AGBL1: variants seen among roughly 807,000 people sequenced by gnomAD.
The protein encoded by AGBL1 is AGBL carboxypeptidase 1.
In AGBL1, 130 loss-of-function variants were observed where a neutral mutation model predicts 118.9. The ratio of observed to expected loss-of-function variants is 1.09; its 90% CI spans 0.95 to 1.26. The LOEUF (loss-of-function observed/expected upper bound fraction) is 1.26. AGBL1 is among the 50% of genes most tolerant of loss of function. The pLI is 0.00. For missense variants in AGBL1, 1,584 were observed against 1,298.1 expected (o/e 1.22, Z -3.38); for synonymous variants, 555 against 478.9 (o/e 1.16, Z -2.08).
intron 14 of AGBL1, 146 bp from the exon 15 acceptor site, chr15:86,271,473 T>C: frequency 1.5e-6 from 1 of 667,226 alleles, no homozygotes; most frequent in Non-Finnish European, 2.6e-6. Context: ...ATCCTTAACT[T>C]AATCATATCT....
chr15:86,235,913 A>T (rs1466250978), intron 6 of AGBL1, among the ~76,000 whole-genome samples: 2 of 152,164 alleles, frequency 1.3e-5, no homozygotes, highest in Non-Finnish European at 2.9e-5. Context: ...GGCCCCACAC[A>T]ATGAGTAATA....
At chr15:86,363,197 C>G (rs545225027) in intron 17 of AGBL1, among the ~76,000 whole-genome samples, 1 of 152,214 alleles carries the variant, frequency 6.6e-6, no homozygotes, top group East Asian at 1.9e-4. Flanking sequence ...AAAGCTCCTA[C>G]AAAGGCACTT....
intron 23 of AGBL1, among the ~76,000 whole-genome samples, chr15:86,951,416 C>A (rs750482707): frequency 5.3e-5 from 8 of 152,142 alleles, no homozygotes; most frequent in Middle Eastern, 3.2e-3. Flanking sequence ...ATAGCACTCA[C>A]AAGAAAACAA....
At chr15:86,238,638 A>G (rs143111897) in intron 6 of AGBL1, among the ~76,000 whole-genome samples, 151 of 152,280 alleles carry the variant, frequency 9.9e-4, no homozygotes, top group African/African-American at 3.2e-3. Context: ...GTCAGTTACA[A>G]TGAAAACATC....
intron 18 of AGBL1, among the ~76,000 whole-genome samples, chr15:86,516,793 CA>C (rs3084324): frequency 0.061 from 6,012 of 99,136 alleles, 99 homozygotes; most frequent in African/African-American, 0.08. Flanking sequence ...AACTCCATCT[CA>C]AAAAAAAAAA....
Position 86,615,917 on chromosome 15 carries a change from A to T in AGBL1, c.2995-58356A>T, listed in dbSNP as rs1293163163. Among the ~76,000 whole-genome samples, 2 of 136,682 alleles carry T rather than the reference A, an allele frequency of 1.5e-5. No individual in the cohort carries two copies. Among genetic ancestry groups the T allele is most frequent in the African/African-American group, 2.7e-5 (1 of 36,582 alleles). 89.7% of individuals were successfully genotyped at this position (136,682 alleles called of 152,430 possible). A position where few individuals can be genotyped will look rare whatever the true frequency, so the allele number is the denominator to read the frequency against. ...ATAGGGGGCATCAATATAAGAAAAG[A>T]TGTCAACAGGAAATAAAAAAAAAAT... On this transcript the variant is annotated intron_variant, in intron 21 of 22. Coordinates refer to ENST00000614907, the MANE Select transcript of AGBL1 (RefSeq NM_001386094.1). This position sits in a 1 kb window ranked among gnomAD's most constrained non-coding sequence, Gnocchi z 4.3.
chr15:86,274,113 A>G (rs78721842), intron 15 of AGBL1, among the ~76,000 whole-genome samples: 8,203 of 152,306 alleles, frequency 0.054, 247 homozygotes, highest in Middle Eastern at 0.11. Context: ...GAAAGCATGT[A>G]AAAAATGAAG....
intron 24 of AGBL1, among the ~76,000 whole-genome samples, chr15:87,002,567 G>C (rs1438826461): frequency 6.6e-6 from 1 of 152,114 alleles, no homozygotes; most frequent in African/African-American, 2.4e-5. Context: ...ATTACCTTGG[G>C]CAGTATGGCC....
At chr15:86,973,937 C>T (rs1312708644) in intron 23 of AGBL1, among the ~76,000 whole-genome samples, 1 of 139,686 alleles carries the variant, frequency 7.2e-6, no homozygotes, top group Non-Finnish European at 1.5e-5. Flanking sequence ...TAAATATAAA[C>T]ATATTTAATA....
chr15:86,914,582 A>G lies in AGBL1; in HGVS notation c.*7288A>G, dbSNP rs1169061567. 3.9e-5 allele frequency: 6 copies of G among 152,168 alleles called. No individual in the cohort carries two copies. The East Asian group carries it at 1.2e-3, about 29-fold the overall frequency. The allele number at this position is 152,168 out of a possible 1,614,324, so 9.4% of individuals were successfully genotyped here. On this transcript the variant is annotated 3_prime_UTR_variant, in exon 23 of 23. Transcript: ENST00000614907. ...CAACACTTAGTATCTATAATAGTCT[A>G]AGACCATCGCAGGTGTCATCATGTT...
Position 86,364,998 on chromosome 15 carries a change from C to CATATAT in AGBL1, c.2375-32362_2375-32357dup, listed in dbSNP as rs71468173. On this transcript the variant is annotated intron_variant, in intron 17 of 22. Transcript: ENST00000614907. ...ATATATATATATATATACACACACACATATATATATACACACACATATATA... is the reference window on the plus strand; with the variant it reads ...ATATATATATATATATACACACACACATATATATATATATATACACACACATATATA... 1.6e-4 allele frequency among the ~76,000 whole-genome samples: 19 copies of CATATAT among 121,210 alleles called. 1 individual carries two copies. The highest frequency in any genetic ancestry group is 5.4e-4 in the South Asian group (2 of 3,684). The allele number at this position is 121,210 out of a possible 152,430, so 79.5% of individuals were successfully genotyped here. A position where few individuals can be genotyped will look rare whatever the true frequency, so the allele number is the denominator to read the frequency against.
chr15:86,777,129 C>A (rs1490371330), intron 22 of AGBL1, among the ~76,000 whole-genome samples: 2 of 151,976 alleles, frequency 1.3e-5, no homozygotes, highest in Non-Finnish European at 2.9e-5. Flanking sequence ...AATTAATGGT[C>A]CCAGCACCAT....
chr15:86,358,809 T>C (rs554619435), intron 17 of AGBL1, among the ~76,000 whole-genome samples: 1 of 152,146 alleles, frequency 6.6e-6, no homozygotes, highest in South Asian at 2.1e-4. Flanking sequence ...TGTTGGCTGT[T>C]TGTACGTTTT....
intron 18 of AGBL1, among the ~76,000 whole-genome samples, chr15:86,481,036 T>C (rs1567016912): frequency 6.6e-6 from 1 of 151,668 alleles, no homozygotes; most frequent in Non-Finnish European, 1.5e-5. Flanking sequence ...GATTTATCAG[T>C]TAAGAGGGAG....
intron 18 of AGBL1, among the ~76,000 whole-genome samples, chr15:86,451,008 G>A (rs926165920): frequency 1.3e-5 from 2 of 151,934 alleles, no homozygotes; most frequent in African/African-American, 2.4e-5. Context: ...ATGTTTTAAC[G>A]GATATCCATT....
chr15:86,418,189 T>G (rs776008142), intron 18 of AGBL1, among the ~76,000 whole-genome samples: 18 of 152,336 alleles, frequency 1.2e-4, no homozygotes, highest in Non-Finnish European at 2.4e-4. Flanking sequence ...TTGATACATT[T>G]GTTGAACTGG....
chr15:86,617,035 T>C (rs575799069), intron 21 of AGBL1, among the ~76,000 whole-genome samples: 2 of 152,340 alleles, frequency 1.3e-5, no homozygotes, highest in Admixed American at 6.5e-5. Context: ...TTAAATGTTA[T>C]CTTGCCTCCT....
intron 24 of AGBL1, among the ~76,000 whole-genome samples, chr15:87,022,433 A>G (rs1488261604): frequency 6.6e-6 from 1 of 152,124 alleles, no homozygotes. Flanking sequence ...AATATGAATA[A>G]AGCCTCCAAG....
intron 5 of AGBL1, among the ~76,000 whole-genome samples, chr15:86,200,994 A>G (rs896640624): frequency 6.6e-6 from 1 of 152,196 alleles, no homozygotes; most frequent in African/African-American, 2.4e-5. Flanking sequence ...TCATACAGTA[A>G]AAGTACAAGG....
Sources: allele counts gnomAD v4.1 joint callset (sites outside exome capture counted in the v4.1 genomes callset), GRCh38; gene constraint gnomAD v4.1.1; non-coding constraint Gnocchi (gnomAD v3.1); transcripts MANE v1.5; gene names NCBI Gene and HGNC (gene_info 2026-07-23, HGNC 2026-07-21).